The following EPB41 variants were observed in gnomAD, a reference collection of about 807,000 sequenced individuals.
The protein encoded by EPB41 is protein 4.1.
A neutral mutation model predicts 108.0 loss-of-function variants in EPB41; 65 were observed. That is an observed-to-expected ratio of 0.60 (90% CI 0.49 to 0.74). The LOEUF is 0.74. EPB41 is among the 30% of genes least tolerant of loss of function. The pLI is 0.00. For missense variants in EPB41, 875 were observed against 1,037.0 expected, an observed-to-expected ratio of 0.84 and a Z score of 2.15; for synonymous variants, 336 against 358.9, an observed-to-expected ratio of 0.94 and a Z score of 0.72.
At chr1:28,942,085 G>A (rs868701623) in intron 1 of EPB41, among the ~76,000 whole-genome samples, 10 of 151,548 alleles carry the variant, frequency 6.6e-5, no homozygotes, top group Admixed American at 2.6e-4. Flanking sequence ...TTTTTATTTG[G>A]AAAAGTACAG....
chr1:28,943,406 A>G (rs1260907505), intron 1 of EPB41, among the ~76,000 whole-genome samples: 1 of 152,212 alleles, frequency 6.6e-6, no homozygotes, highest in African/African-American at 2.4e-5. Context: ...TAATCCTAGC[A>G]CTTTGGGAGG....
rs147697715 is a variant in EPB41 at position 28,938,194 on chromosome 1, A to C, written c.-8+23426A>C. ...TTTGGCTGTTCTGGCTATCCCTTGT[A>C]TTTCCATATGAATTTTAGCATCAGT... On this transcript the variant is annotated intron_variant, in intron 1 of 20. Transcript: ENST00000343067. 3.8e-3 allele frequency among the ~76,000 whole-genome samples: 577 copies of C among 152,220 alleles called. 6 individuals are homozygous for C. Among genetic ancestry groups the C allele is most frequent in the African/African-American group, 0.013 (530 of 41,532 alleles).
At chr1:28,910,519 C>T (rs576067214), upstream of EPB41, among the ~76,000 whole-genome samples, 1 of 152,270 alleles carries the variant, frequency 6.6e-6, no homozygotes, top group South Asian at 2.1e-4. Flanking sequence ...AGCTGTGTCC[C>T]TAATCCGCCC....
At chr1:29,085,223 A>G (rs187894332) in intron 16 of EPB41, among the ~76,000 whole-genome samples, 6 of 149,704 alleles carry the variant, frequency 4.0e-5, no homozygotes, top group Non-Finnish European at 5.9e-5. Flanking sequence ...GCTCACTGCA[A>G]CCTCTGCCTC....
At chr1:29,020,876 TCTCAAACTTCCAG>T (rs1460193063) in intron 7 of EPB41, among the ~76,000 whole-genome samples, 1 of 152,170 alleles carries the variant, frequency 6.6e-6, no homozygotes, top group Non-Finnish European at 1.5e-5. Context: ...TCCAGGCTGA[TCTCAAACTTCCAG>T]CCTCAAGACT....
chr1:28,920,593 C>A lies in EPB41; in HGVS notation c.-8+5825C>A, dbSNP rs951370272. On this transcript the variant is annotated intron_variant, in intron 1 of 20. Coordinates refer to ENST00000343067, the MANE Select transcript of EPB41 (RefSeq NM_001376013.1). ...GAAAAGTTTCAAGTGAGAAACTCCC[C>A]GTGATTTAACTATATTAGAGCACAG... Among the ~76,000 whole-genome samples the A allele has an allele frequency of 2.6e-5, 4 of 152,120 alleles. No homozygotes were observed. In the East Asian group the frequency reaches 5.8e-4, roughly 22 times the overall value.
In EPB41 at chr1:29,115,839, C is replaced by CA; in HGVS notation, c.*6+37dup. The CA allele has an allele frequency of 1.3e-6, 2 of 1,521,450 alleles. No individual in the cohort carries two copies. The highest frequency in any genetic ancestry group is 1.8e-6 in the Non-Finnish European group (2 of 1,096,594). The allele number at this position is 1,521,450 out of a possible 1,614,324, so 94.2% of individuals were successfully genotyped here. ...TTCCTGCTGGGGCTGAGGGTGCCCA[C>CA]AGTCCCAGCCTGAGAGGGCTCTGGA... On this transcript the variant is annotated intron_variant, in intron 20 of 20. Coordinates refer to ENST00000343067, the MANE Select transcript of EPB41 (RefSeq NM_001376013.1). The surrounding 1 kb of genome is among the most constrained non-coding windows in gnomAD (Gnocchi z 4.4).
At position 28,887,570 on chromosome 1, in the gene EPB41, C is replaced by A; in HGVS notation, c.-8+360C>A. 1.0e-6 allele frequency: 1 copy of A among 985,186 alleles called. No individual in the cohort carries two copies. The highest frequency in any genetic ancestry group is 1.2e-6 in the Non-Finnish European group (1 of 829,822). The allele number at this position is 985,186 out of a possible 1,614,324, so 61.0% of individuals were successfully genotyped here. On this transcript the variant is annotated intron_variant, in intron 1 of 16. Coordinates refer to the EPB41 transcript ENST00000347529. The surrounding 1 kb of genome is among the most constrained non-coding windows in gnomAD (Gnocchi z 4.9). ...TGCAGGTCGGCGCAGCCCCCGGCCG[C>A]CCCCTAGCCCCGCCTTGCCCGGCCC...
At chr1:29,055,947 A>G (rs1170054345) in intron 12 of EPB41, among the ~76,000 whole-genome samples, 1 of 148,424 alleles carries the variant, frequency 6.7e-6, no homozygotes, top group Non-Finnish European at 1.5e-5. Flanking sequence ...AAAAAAAAAA[A>G]AAAAAAGGGC....
intron 1 of EPB41, among the ~76,000 whole-genome samples, chr1:28,923,447 C>A (rs1030619049): frequency 1.3e-5 from 2 of 152,030 alleles, no homozygotes; most frequent in African/African-American, 4.8e-5. Flanking sequence ...TACTAAGTAA[C>A]CTTTGAATTT....
At chr1:28,920,486 C>G (rs1371763062) in intron 1 of EPB41, among the ~76,000 whole-genome samples, 1 of 152,180 alleles carries the variant, frequency 6.6e-6, no homozygotes, top group African/African-American at 2.4e-5. Flanking sequence ...TTGGTACTTT[C>G]TACATTAATA....
intron 1 of EPB41, 79 bp from the exon 2 acceptor site, chr1:28,987,352 T>G: frequency 8.0e-7 from 1 of 1,246,290 alleles, no homozygotes. Flanking sequence ...AGTATATTAA[T>G]TTTTTAGGGT....
chr1:29,116,908 A>G lies in EPB41; in HGVS notation c.*96A>G, dbSNP rs1671118647. 6.6e-6 allele frequency: 1 copy of G among 152,244 alleles called. No individual in the cohort carries two copies. Among genetic ancestry groups the G allele is most frequent in the African/African-American group, 2.4e-5 (1 of 41,470 alleles). 9.4% of individuals were successfully genotyped at this position (152,244 alleles called of 1,614,324 possible). On this transcript the variant is annotated 3_prime_UTR_variant, in exon 21 of 21. Coordinates refer to ENST00000343067, the MANE Select transcript of EPB41 (RefSeq NM_001376013.1). ...CTAACCTGCCATAGTCAGACTTCAG[A>G]CTTTCAAGATTATTCTAAATCACCA... is the stretch of plus-strand genomic sequence containing the variant.
At chr1:28,934,999 C>T (rs1249541462) in intron 1 of EPB41, among the ~76,000 whole-genome samples, 2 of 151,842 alleles carry the variant, frequency 1.3e-5, no homozygotes, top group Non-Finnish European at 2.9e-5. Context: ...CTTGTGGTCC[C>T]AGCTACTCAG....
intron 1 of EPB41, among the ~76,000 whole-genome samples, chr1:28,896,406 G>A (rs527758324): frequency 1.3e-5 from 2 of 152,316 alleles, no homozygotes; most frequent in East Asian, 3.9e-4. Context: ...AAGTAAGAAT[G>A]TACCTCCCTT....
Position 28,987,293 on chromosome 1 carries a change from T to G in EPB41, c.-7-138T>G, listed in dbSNP as rs1215394659. The G allele has an allele frequency of 1.3e-5, 9 of 710,358 alleles. No homozygotes were observed. In the Admixed American group the frequency reaches 1.9e-4, roughly 15 times the overall value. The allele number at this position is 710,358 out of a possible 1,614,324, so 44.0% of individuals were successfully genotyped here. On this transcript the variant is annotated intron_variant, in intron 1 of 20. Transcript: ENST00000343067. ...GATATTTTTGTAATTTAATGGAAAG[T>G]CTCATGTTTAATGGGTTTGAATTCT...
At chr1:29,082,271 C>T (rs1438971912) in intron 16 of EPB41, among the ~76,000 whole-genome samples, 2 of 152,024 alleles carry the variant, frequency 1.3e-5, no homozygotes, top group African/African-American at 4.8e-5. Context: ...ATTACAGACA[C>T]CCGCCACCAC....
chr1:28,982,688 C>T lies in EPB41; in HGVS notation c.-7-4743C>T, dbSNP rs187906729. ...TGATCTTAAGACTTAGGTTGTTTGT[C>T]GTGGTATTTCAGATGACTGCAGTTA... On this transcript the variant is annotated intron_variant, in intron 1 of 20. Transcript: ENST00000343067. 3.0e-3 allele frequency: 2,011 copies of T among 668,324 alleles called. 18 individuals are homozygous for T. The highest frequency in any genetic ancestry group is 0.011 in the Admixed American group (512 of 45,066). The allele number at this position is 668,324 out of a possible 1,614,324, so 41.4% of individuals were successfully genotyped here.
In EPB41 at chr1:28,966,051, C is replaced by T. The variant is rs541711491; in HGVS notation, c.-7-21380C>T. Among the ~76,000 whole-genome samples the T allele has an allele frequency of 1.1e-4, 16 of 151,972 alleles. No homozygotes were observed. In the South Asian group the frequency reaches 2.3e-3, roughly 22 times the overall value. Reference sequence around the variant, plus strand: ...TACAAAAATTAGCCAGGCATGGTGGCGGGAGCCTGTAATTCCAGCTACTTG... The same window carrying T: ...TACAAAAATTAGCCAGGCATGGTGGTGGGAGCCTGTAATTCCAGCTACTTG... On this transcript the variant is annotated intron_variant, in intron 1 of 20. Coordinates refer to ENST00000343067, the MANE Select transcript of EPB41 (RefSeq NM_001376013.1).
Sources: allele counts gnomAD v4.1 joint callset (sites outside exome capture counted in the v4.1 genomes callset), GRCh38; gene constraint gnomAD v4.1.1; non-coding constraint Gnocchi (gnomAD v3.1); transcripts MANE v1.5; gene names NCBI Gene and HGNC (gene_info 2026-07-23, HGNC 2026-07-21).